The following MINDY2 variants were observed in gnomAD, a reference collection of about 807,000 sequenced individuals.
The protein encoded by MINDY2 is MINDY lysine 48 deubiquitinase 2.
MINDY2 carries 52 observed loss-of-function variants against 68.2 expected under a neutral mutation model. That is an observed-to-expected ratio of 0.76 (90% confidence interval 0.61 to 0.96). MINDY2 has a LOEUF of 0.96. Ranked by LOEUF, MINDY2 falls within the 40% of genes least tolerant of loss-of-function variation. The probability of loss-of-function intolerance (pLI) is 0.00; values close to 1 mark genes in which losing one functional copy is unlikely to be tolerated. For synonymous variants in MINDY2, 372 were observed against 303.0 expected (o/e 1.23, Z -2.36); for missense variants, 881 against 773.4 (o/e 1.14, Z -1.65).
At chr15:58,852,964 TTTTTTTAA>T (rs2032906241) in intron 8 of MINDY2, among the ~76,000 whole-genome samples, 6 of 29,846 alleles carry the variant, frequency 2.0e-4, no homozygotes, top group South Asian at 1.2e-3. Flanking sequence ...TTTTTTTTTT[TTTTTTTAA>T]GACAGAGTCT....
intron 1 of MINDY2, among the ~76,000 whole-genome samples, chr15:58,782,110 G>T (rs568189796): frequency 6.6e-6 from 1 of 152,120 alleles, no homozygotes; most frequent in South Asian, 2.1e-4. Flanking sequence ...CATGTTAAAA[G>T]AATCCTTAAG....
intron 6 of MINDY2, among the ~76,000 whole-genome samples, chr15:58,832,603 C>G (rs1297829061): frequency 6.6e-6 from 1 of 150,696 alleles, no homozygotes; most frequent in Non-Finnish European, 1.5e-5. Context: ...GATTTCAGTT[C>G]ACCGCAACCT....
chr15:58,797,452 G>A (rs1902357753), intron 2 of MINDY2, among the ~76,000 whole-genome samples: 1 of 152,184 alleles, frequency 6.6e-6, no homozygotes. Context: ...AGGCTGCAGT[G>A]AGCCATGTTT....
At chr15:58,807,144 T>C (rs1903070466) in intron 3 of MINDY2, among the ~76,000 whole-genome samples, 1 of 152,148 alleles carries the variant, frequency 6.6e-6, no homozygotes, top group African/African-American at 2.4e-5. Context: ...TTTTCACCCT[T>C]TTTATTATCA....
intron 1 of MINDY2, among the ~76,000 whole-genome samples, chr15:58,774,495 A>G (rs1359026266): frequency 3.3e-5 from 5 of 151,210 alleles, no homozygotes; most frequent in African/African-American, 1.2e-4. Flanking sequence ...AAAAAAAGAA[A>G]AAAAAAAAAA....
chr15:58,781,767 G>A (rs747857972), intron 1 of MINDY2, among the ~76,000 whole-genome samples: 1 of 152,134 alleles, frequency 6.6e-6, no homozygotes, highest in Non-Finnish European at 1.5e-5. Context: ...GCCGTGTGTG[G>A]TGGCGGGCGC....
intron 6 of MINDY2, among the ~76,000 whole-genome samples, chr15:58,846,410 G>A (rs2032538935): frequency 6.6e-6 from 1 of 151,928 alleles, no homozygotes; most frequent in East Asian, 1.9e-4. Context: ...TGGCTAACAC[G>A]GTGAAACTCT....
chr15:58,825,452 T>C (rs1409341612), intron 5 of MINDY2, among the ~76,000 whole-genome samples: 1 of 152,234 alleles, frequency 6.6e-6, no homozygotes, highest in Non-Finnish European at 1.5e-5. Context: ...CTGGTTGTGA[T>C]GATGCTGATT....
intron 7 of MINDY2, among the ~76,000 whole-genome samples, chr15:58,848,010 T>G (rs760993871): frequency 6.6e-6 from 1 of 151,544 alleles, no homozygotes; most frequent in African/African-American, 2.4e-5. Flanking sequence ...TAAGGAGGAG[T>G]AGTAGACATT....
intron 2 of MINDY2, among the ~76,000 whole-genome samples, chr15:58,801,150 T>TG (rs1902623424): frequency 6.6e-6 from 1 of 151,884 alleles, no homozygotes; most frequent in Non-Finnish European, 1.5e-5. Context: ...ATTTTTGTAT[T>TG]TTTACTAGAA....
At chr15:58,849,499 C>T (rs762604674) in intron 7 of MINDY2, among the ~76,000 whole-genome samples, 3 of 151,830 alleles carry the variant, frequency 2.0e-5, no homozygotes, top group Non-Finnish European at 4.4e-5. Context: ...AGCAAGACTC[C>T]GTCTCAAAAA....
chr15:58,772,994 G>A (rs1900539279), intron 1 of MINDY2, among the ~76,000 whole-genome samples: 1 of 152,230 alleles, frequency 6.6e-6, no homozygotes, highest in East Asian at 1.9e-4. Context: ...AAATAGGTAT[G>A]TTGAGGACTC....
chr15:58,830,682 T>G (rs1182138425), intron 5 of MINDY2, among the ~76,000 whole-genome samples: 1 of 152,186 alleles, frequency 6.6e-6, no homozygotes, highest in Admixed American at 6.5e-5. Context: ...GCCAGCACTT[T>G]GGCATTATGC....
Position 58,783,001 on chromosome 15 carries a change from C to T in MINDY2, c.841-4905C>T, listed in dbSNP as rs1228935406. On this transcript the variant is annotated intron_variant, in intron 1 of 8. Coordinates refer to ENST00000559228, the MANE Select transcript of MINDY2 (RefSeq NM_001040450.3). ...GTGGCGTGATCTTTACTCACTGCAG[C>T]CTTTGTCTTCTGGGCCCAAGTGATT... Among the ~76,000 whole-genome samples, 6 of 132,552 alleles carry T rather than the reference C, an allele frequency of 4.5e-5. No homozygotes were observed. In the East Asian group the frequency reaches 1.5e-3, roughly 34 times the overall value. The allele number at this position is 132,552 out of a possible 152,430, so 87.0% of individuals were successfully genotyped here. A position where few individuals can be genotyped will look rare whatever the true frequency, so the allele number is the denominator to read the frequency against.
At chr15:58,798,015 G>T (rs751949601) in intron 2 of MINDY2, among the ~76,000 whole-genome samples, 1 of 152,162 alleles carries the variant, frequency 6.6e-6, no homozygotes, top group Non-Finnish European at 1.5e-5. Context: ...AAAGTATGCT[G>T]AAAAGCTCAT....
intron 2 of MINDY2, among the ~76,000 whole-genome samples, chr15:58,801,931 C>CT (rs1273022052): frequency 2.0e-5 from 3 of 152,014 alleles, no homozygotes; most frequent in Admixed American, 2.0e-4. Context: ...TGCCAAACTT[C>CT]TTTTTTTTAC....
intron 5 of MINDY2, among the ~76,000 whole-genome samples, chr15:58,826,992 G>C (rs1416255967): frequency 2.0e-5 from 3 of 151,548 alleles, no homozygotes; most frequent in African/African-American, 7.3e-5. Flanking sequence ...GTCCAGGCCA[G>C]TTGTTCCACA....
chr15:58,806,966 C>A (rs1466519886), intron 3 of MINDY2, among the ~76,000 whole-genome samples: 1 of 152,190 alleles, frequency 6.6e-6, no homozygotes, highest in Non-Finnish European at 1.5e-5. Context: ...ATAAATGCAT[C>A]ATTCATTAAT....
chr15:58,808,477 T>A (rs1005084994), intron 3 of MINDY2, among the ~76,000 whole-genome samples: 1 of 152,224 alleles, frequency 6.6e-6, no homozygotes, highest in Admixed American at 6.5e-5. Context: ...AGCCTTTTCA[T>A]ATTAGCTTGT....
Sources: gnomAD v4.1 joint callset for allele counts (sites outside exome capture counted in the v4.1 genomes callset) on GRCh38, gnomAD v4.1.1 for gene constraint, MANE v1.5 for transcripts, NCBI Gene and HGNC (gene_info 2026-07-23, HGNC 2026-07-21) for gene names.